The following PHACTR1 variants were observed in gnomAD, a reference collection of about 807,000 sequenced individuals.
PHACTR1 encodes the protein phosphatase and actin regulator 1.
A neutral mutation model predicts 69.2 loss-of-function variants in PHACTR1; 16 were observed. The observed-to-expected ratio is 0.23, with a 90% confidence interval of 0.16 to 0.35. The LOEUF is 0.35. Among genes scored for constraint, PHACTR1 ranks in the 10% least tolerant of loss-of-function variants. The pLI is 1.00. For missense variants in PHACTR1, 510 were observed against 734.7 expected (o/e 0.69, Z 3.54); for synonymous variants, 312 against 284.5 (o/e 1.10, Z -0.97).
At chr6:12,989,779 C>T (rs148723975) in intron 4 of PHACTR1, among the ~76,000 whole-genome samples, 244 of 152,220 alleles carry the variant, frequency 1.6e-3, no homozygotes, top group African/African-American at 5.2e-3. Context: ...ATGTTCAGGA[C>T]GAAACAGTGA....
At chr6:13,248,276 G>A (rs1215299146) in intron 10 of PHACTR1, among the ~76,000 whole-genome samples, 2 of 152,198 alleles carry the variant, frequency 1.3e-5, no homozygotes, top group African/African-American at 4.8e-5. Flanking sequence ...CAGCTCCCAG[G>A]AGGAAACCGT....
chr6:13,097,410 A>G (rs1814443757), intron 5 of PHACTR1, among the ~76,000 whole-genome samples: 1 of 152,040 alleles, frequency 6.6e-6, no homozygotes, highest in African/African-American at 2.4e-5. Context: ...CTTGTATTCT[A>G]AAATAATTCA....
At chr6:12,951,465 G>C (rs531572365) in intron 4 of PHACTR1, among the ~76,000 whole-genome samples, 6 of 152,314 alleles carry the variant, frequency 3.9e-5, no homozygotes, top group African/African-American at 1.4e-4. Flanking sequence ...GAAAAGGGGG[G>C]AGTTATAATC....
chr6:13,002,532 G>A (rs989997628), intron 4 of PHACTR1, among the ~76,000 whole-genome samples: 5 of 152,130 alleles, frequency 3.3e-5, no homozygotes, highest in Admixed American at 3.3e-4. Flanking sequence ...GCACCATGAG[G>A]AAAAGGCCAA....
intron 5 of PHACTR1, among the ~76,000 whole-genome samples, chr6:13,159,557 T>C (rs922531571): frequency 1.3e-5 from 2 of 152,206 alleles, no homozygotes; most frequent in Non-Finnish European, 2.9e-5. Context: ...TGAATCCCAG[T>C]TCCTTTACTC....
intron 3 of PHACTR1, among the ~76,000 whole-genome samples, chr6:12,729,890 AGAGT>A (rs1403639221): frequency 6.6e-6 from 1 of 152,216 alleles, no homozygotes; most frequent in Non-Finnish European, 1.5e-5. Flanking sequence ...AGGTAGACAG[AGAGT>A]GAGAGAGAGG....
At chr6:12,838,143 T>C (rs1460562538) in intron 4 of PHACTR1, among the ~76,000 whole-genome samples, 1 of 152,208 alleles carries the variant, frequency 6.6e-6, no homozygotes, top group Non-Finnish European at 1.5e-5. Flanking sequence ...AGCGTTTTCC[T>C]ATATTGTATA....
chr6:12,758,466 TAA>T (rs11361990), intron 4 of PHACTR1, among the ~76,000 whole-genome samples: 105 of 95,762 alleles, frequency 1.1e-3, no homozygotes, highest in Non-Finnish European at 1.3e-3. Context: ...ACTCTCTTTC[TAA>T]AAAAAAAAAA....
intron 4 of PHACTR1, chr6:12,957,186 G>A (rs980574092): frequency 2.4e-5 from 5 of 212,196 alleles, no homozygotes; most frequent in Non-Finnish European, 4.0e-5. Flanking sequence ...CCTGAGTCAG[G>A]TGACGGGATC....
At chr6:12,790,523 T>C (rs1772137534) in intron 4 of PHACTR1, among the ~76,000 whole-genome samples, 1 of 152,254 alleles carries the variant, frequency 6.6e-6, no homozygotes. Flanking sequence ...TTTCGCATTG[T>C]TCATTGTCTA....
In PHACTR1 at chr6:13,281,326, G is replaced by T. The variant is rs187950577; in HGVS notation, c.1510-2096G>T. Reference sequence around the variant, plus strand: ...CCCAGCACTTTGGGAGGCTGAGAACGGCGGATCATTTGAGATCAGGAGTTC... The same window carrying T: ...CCCAGCACTTTGGGAGGCTGAGAACTGCGGATCATTTGAGATCAGGAGTTC... On this transcript the variant is annotated intron_variant, in intron 12 of 14. Transcript: ENST00000332995. The T allele has an allele frequency of 2.3e-4, 81 of 346,698 alleles. No individual in the cohort carries two copies. In the East Asian group the frequency reaches 6.2e-3, roughly 27 times the overall value. 21.5% of individuals were successfully genotyped at this position (346,698 alleles called of 1,614,324 possible).
At chr6:12,955,192 C>CTTTT (rs1161324144) in intron 4 of PHACTR1, among the ~76,000 whole-genome samples, 1,033 of 103,214 alleles carry the variant, frequency 0.01, 141 homozygotes, top group African/African-American at 0.05. Flanking sequence ...TGTATTTCCT[C>CTTTT]TTTTTTTTTT....
chr6:13,247,243 C>T (rs1773691015), intron 10 of PHACTR1, among the ~76,000 whole-genome samples: 1 of 151,992 alleles, frequency 6.6e-6, no homozygotes, highest in Admixed American at 6.6e-5. Flanking sequence ...AGGTTTGCCT[C>T]TCCTGTAAAT....
intron 4 of PHACTR1, among the ~76,000 whole-genome samples, chr6:12,944,398 T>C (rs1790377604): frequency 2.0e-5 from 3 of 152,250 alleles, no homozygotes. Context: ...ACAATGGGGT[T>C]GATTAAGAAA....
chr6:12,954,500 G>T (rs1311048034), intron 4 of PHACTR1, among the ~76,000 whole-genome samples: 1 of 151,986 alleles, frequency 6.6e-6, no homozygotes, highest in East Asian at 1.9e-4. Context: ...AAGGTGACAG[G>T]TAGACTTGAT....
intron 4 of PHACTR1, among the ~76,000 whole-genome samples, chr6:12,963,069 T>C (rs1381587293): frequency 6.6e-6 from 1 of 152,170 alleles, no homozygotes. Context: ...TTGCAAGGGG[T>C]ATTTACAAGT....
At chr6:13,203,431 C>T (rs1471287254) in intron 7 of PHACTR1, among the ~76,000 whole-genome samples, 1 of 152,128 alleles carries the variant, frequency 6.6e-6, no homozygotes, top group Non-Finnish European at 1.5e-5. Context: ...AGGATTAAAC[C>T]GGTTAGAATA....
intron 4 of PHACTR1, among the ~76,000 whole-genome samples, chr6:12,996,169 A>C (rs908948863): frequency 2.6e-5 from 4 of 152,184 alleles, no homozygotes; most frequent in African/African-American, 9.6e-5. Flanking sequence ...TAAATATGAA[A>C]AGATACAGCA....
chr6:13,074,289 G>A (rs978007543), intron 5 of PHACTR1, among the ~76,000 whole-genome samples: 1 of 152,062 alleles, frequency 6.6e-6, no homozygotes, highest in Non-Finnish European at 1.5e-5. Context: ...TATAATTAAG[G>A]ATATACAAAT....
Sources: gnomAD v4.1 joint callset for allele counts (sites outside exome capture counted in the v4.1 genomes callset) on GRCh38, gnomAD v4.1.1 for gene constraint, MANE v1.5 for transcripts, NCBI Gene and HGNC (gene_info 2026-07-23, HGNC 2026-07-21) for gene names.